Variants in CNGA1 observed in about 807,000 individuals in gnomAD.
The protein encoded by CNGA1 is cyclic nucleotide gated channel subunit alpha 1, also known as cyclic nucleotide-gated channel alpha-1.
In CNGA1, 53 loss-of-function variants were observed where a neutral mutation model predicts 69.7. The observed-to-expected ratio is 0.76, with a 90% CI of 0.61 to 0.96. The LOEUF (loss-of-function observed/expected upper bound fraction) is 0.96, where lower values mean the gene tolerates loss of function less well. CNGA1 is among the 40% of genes least tolerant of loss of function. The pLI is 0.00. For missense variants in CNGA1, 739 were observed against 811.2 expected (o/e 0.91, Z 1.08); for synonymous variants, 249 against 283.5 (o/e 0.88, Z 1.22).
At chr4:48,003,065 C>T (rs1301913061) in intron 2 of CNGA1, among the ~76,000 whole-genome samples, 2 of 152,182 alleles carry the variant, frequency 1.3e-5, no homozygotes, top group African/African-American at 4.8e-5. Context: ...GACACAGCCT[C>T]AGGAGGTCCT....
intron 2 of CNGA1, among the ~76,000 whole-genome samples, chr4:47,987,003 A>T (rs13104512): frequency 7.6e-6 from 1 of 131,012 alleles, no homozygotes; most frequent in Admixed American, 7.4e-5. Flanking sequence ...TGTTGTGTTG[A>T]GTTGTGTTGT....
At chr4:47,989,981 A>C (rs527848840) in intron 2 of CNGA1, among the ~76,000 whole-genome samples, 265 of 152,176 alleles carry the variant, frequency 1.7e-3, no homozygotes, top group Middle Eastern at 0.01. Flanking sequence ...TCTTACTTTA[A>C]TCTCTTAATC....
intron 3 of CNGA1, among the ~76,000 whole-genome samples, chr4:47,964,834 G>T (rs1017769661): frequency 3.3e-5 from 5 of 151,922 alleles, no homozygotes; most frequent in South Asian, 2.1e-4. Flanking sequence ...ATTCCTACAT[G>T]TTTTATATTT....
At chr4:47,965,194 A>G (rs7668132) in intron 3 of CNGA1, among the ~76,000 whole-genome samples, 80,541 of 151,956 alleles carry the variant, frequency 0.53, 23,082 homozygotes, top group Non-Finnish European at 0.64. Flanking sequence ...CTTGATTTTC[A>G]TTCTTAAGCA....
chr4:47,984,617 T>C (rs1035055346), intron 2 of CNGA1, among the ~76,000 whole-genome samples: 3 of 146,470 alleles, frequency 2.0e-5, no homozygotes, highest in Non-Finnish European at 4.5e-5. Context: ...TGAGACTCCA[T>C]CTCAAAAAAA....
chr4:47,952,514 A>G, intron 4 of CNGA1, 69 bp downstream of exon 4: 1 of 1,533,800 alleles, frequency 6.5e-7, no homozygotes, highest in Admixed American at 1.7e-5. Flanking sequence ...GCTAAATTGA[A>G]ATTAAATCTA....
intron 2 of CNGA1, among the ~76,000 whole-genome samples, chr4:47,991,230 C>T (rs2110234465): frequency 6.6e-6 from 1 of 152,294 alleles, no homozygotes; most frequent in Middle Eastern, 3.4e-3. Flanking sequence ...TAAGGAATCT[C>T]CACACTGTCT....
At chr4:48,012,436 T>C (rs1423494789) in intron 1 of CNGA1, among the ~76,000 whole-genome samples, 2 of 152,112 alleles carry the variant, frequency 1.3e-5, no homozygotes, top group East Asian at 1.9e-4. Flanking sequence ...AGGACAGCCA[T>C]TGCTTTCAGT....
chr4:48,006,881 C>A (rs1258623247), intron 2 of CNGA1, among the ~76,000 whole-genome samples: 1 of 151,918 alleles, frequency 6.6e-6, no homozygotes, highest in Non-Finnish European at 1.5e-5. Flanking sequence ...CCTTGGCCTC[C>A]CAAAATGCTT....
intron 3 of CNGA1, among the ~76,000 whole-genome samples, chr4:47,963,588 TAGC>T (rs1212464225): frequency 6.6e-6 from 1 of 152,208 alleles, no homozygotes; most frequent in African/African-American, 2.4e-5. Context: ...GTTAAGTGCT[TAGC>T]ATTATGCCTG....
At chr4:47,979,754 GT>G (rs1356354556) in intron 3 of CNGA1, among the ~76,000 whole-genome samples, 1 of 151,924 alleles carries the variant, frequency 6.6e-6, no homozygotes, top group Admixed American at 6.6e-5. Flanking sequence ...TTTGACATTT[GT>G]TTTTCTACAA....
intron 1 of CNGA1, among the ~76,000 whole-genome samples, chr4:48,011,630 G>A (rs1339161182): frequency 6.6e-6 from 1 of 152,206 alleles, no homozygotes; most frequent in Non-Finnish European, 1.5e-5. Flanking sequence ...TGTGCCCAAG[G>A]TGGTCAGGGT....
chr4:47,972,754 A>G (rs2110200191), intron 3 of CNGA1, among the ~76,000 whole-genome samples: 1 of 152,326 alleles, frequency 6.6e-6, no homozygotes, highest in African/African-American at 2.4e-5. Flanking sequence ...AATGCCTACT[A>G]GGTGTCAAGC....
chr4:47,995,943 C>T (rs1742457749), intron 2 of CNGA1, among the ~76,000 whole-genome samples: 1 of 152,104 alleles, frequency 6.6e-6, no homozygotes, highest in Non-Finnish European at 1.5e-5. Context: ...AGCAAGTCTA[C>T]CAGGCTCTGG....
At chr4:47,951,534 T>C in intron 4 of CNGA1, 65 bp from the exon 5 acceptor site, 1 of 1,017,178 alleles carries the variant, frequency 9.8e-7, no homozygotes, top group South Asian at 1.3e-5. Context: ...AGAGGCAACA[T>C]TCCTCACTAG....
rs772091709 is a variant in CNGA1 at position 47,937,471 on chromosome 4, T to A, written c.1011A>T (p.Glu337Asp). The change falls in exon 11 of 11, where the codon GAA (glutamate) becomes GAT (aspartate). Residue 337 changes from glutamate (E) to aspartate (D), a missense_variant. Transcript: ENST00000514170. The stretch of plus-strand genomic sequence containing the variant: ...CGTATTTTCTAGCCAAACGGCCAAA[T>A]TCAGGATCATTAATATCAGGGTAGA... ...TWVYPDINDP[E>D]FGRLARKYVY... The A allele has an allele frequency of 2.5e-6, 4 of 1,614,042 alleles. No homozygotes were observed. The East Asian group carries it at 6.7e-5, about 27-fold the overall frequency.
chr4:47,984,468 A>C (rs1040059138), intron 2 of CNGA1, among the ~76,000 whole-genome samples: 2 of 151,758 alleles, frequency 1.3e-5, no homozygotes, highest in Non-Finnish European at 2.9e-5. Context: ...AAATACAAAA[A>C]TTAGGCAGGC....
At chr4:47,999,979 T>A (rs925892392) in intron 2 of CNGA1, among the ~76,000 whole-genome samples, 2 of 151,752 alleles carry the variant, frequency 1.3e-5, no homozygotes, top group Non-Finnish European at 1.5e-5. Context: ...ACAAACAAAT[T>A]TAAAACACAG....
rs879277500 is a variant in CNGA1 at position 47,938,993 on chromosome 4, G to GAA, written c.653-1165_653-1164insTT. Among the ~76,000 whole-genome samples, 303 of 140,432 alleles carry GAA rather than the reference G, an allele frequency of 2.2e-3. 1 individual carries two copies. The highest frequency in any genetic ancestry group is 7.2e-3 in the African/African-American group (261 of 36,026). The allele number at this position is 140,432 out of a possible 152,430, so 92.1% of individuals were successfully genotyped here. A position where few individuals can be genotyped will look rare whatever the true frequency, so the allele number is the denominator to read the frequency against. ...GAAAGAAAGAAAAGAAAGAAAGAAA[G>GAA]AGAAAGAAAGAAAGAAAGAGAAAGA... is the stretch of plus-strand genomic sequence containing the variant. On this transcript the variant is annotated intron_variant, in intron 10 of 10. Transcript: ENST00000514170.
Sources: gnomAD v4.1 joint callset for allele counts (sites outside exome capture counted in the v4.1 genomes callset) on GRCh38, gnomAD v4.1.1 for gene constraint, MANE v1.5 for transcripts, NCBI Gene and HGNC (gene_info 2026-07-23, HGNC 2026-07-21) for gene names.